Variants in C1QTNF12 observed in about 807,000 individuals in gnomAD.
C1QTNF12 encodes adipolin.
In C1QTNF12, 39 loss-of-function variants were observed where a neutral mutation model predicts 34.3. The ratio of observed to expected loss-of-function variants is 1.14; its 90% confidence interval spans 0.88 to 1.49. C1QTNF12 has a LOEUF of 1.49. C1QTNF12 is among the 40% of genes most tolerant of loss of function. The probability of loss-of-function intolerance (pLI) is 0.00; values close to 1 mark genes in which losing one functional copy is unlikely to be tolerated. For synonymous variants in C1QTNF12, 220 were observed against 196.9 expected, an observed-to-expected ratio of 1.12 and a Z score of -0.98; for missense variants, 497 against 424.7, an observed-to-expected ratio of 1.17 and a Z score of -1.50.
Position 1,242,578 on chromosome 1 carries a change from G to A in C1QTNF12, c.879C>T (p.Ser293=). Residue 293 remains serine (S), a synonymous_variant, in exon 8 of 8, where the codon TCC becomes TCT. Coordinates refer to ENST00000330388, the MANE Select transcript of C1QTNF12 (RefSeq NM_001014980.3). ...SGAVLTIQAG[S]SFSGLLLGT Reference sequence around the variant, plus strand: ...TGCCCAGGAGCAGCCCGGAGAAGCTGGAGCCCGCCTGGATGGTGAGGACGG... The same window carrying A: ...TGCCCAGGAGCAGCCCGGAGAAGCTAGAGCCCGCCTGGATGGTGAGGACGG... 3 of 1,585,242 alleles carry A rather than the reference G, an allele frequency of 1.9e-6. No homozygotes were observed. Among genetic ancestry groups the A allele is most frequent in the East Asian group, 4.6e-5 (2 of 43,520 alleles).
At chr1:1,246,808 G>A (rs1017081946), upstream of C1QTNF12, 14 of 710,426 alleles carry the variant, frequency 2.0e-5, no homozygotes, top group East Asian at 3.1e-4. The surrounding 1 kb of genome is among the most constrained non-coding windows in gnomAD (Gnocchi z 4.5). Context: ...CCCGGCCTCC[G>A]CCGCTGCATG....
At chr1:1,243,284 C>T in intron 5 of C1QTNF12, 132 bp from the exon 6 acceptor site, 1 of 994,614 alleles carries the variant, frequency 1.0e-6, no homozygotes, top group Non-Finnish European at 1.5e-6. Context: ...CGCCTGAGGC[C>T]AGGCGTGCAG....
In C1QTNF12 at chr1:1,244,440, C is replaced by G; in HGVS notation, c.235G>C (p.Val79Leu). The change falls in exon 2 of 8, where the codon GTC becomes CTC. Residue 79 changes from valine (V) to leucine (L), a missense_variant. Val to Leu is a conservative substitution (Grantham distance 32). Transcript: ENST00000330388. The part of the protein sequence containing the change: ...SDAHMTWLNF[V>L]RRPDDGALRK... ...AAGGCGCCGTCGTCCGGCCGCCGGA[C>G]AAAGTTCAGCCATGTCATGTGGGCG... 6.2e-7 allele frequency: 1 copy of G among 1,611,932 alleles called. No individual in the cohort carries two copies. The highest frequency in any genetic ancestry group is 8.5e-7 in the Non-Finnish European group (1 of 1,179,548).
Position 1,243,169 on chromosome 1 carries a change from G to C in C1QTNF12, c.641-17C>G, listed in dbSNP as rs1280737691. 1 of 1,496,976 alleles carries C rather than the reference G, an allele frequency of 6.7e-7. No individual in the cohort carries two copies. The highest frequency in any genetic ancestry group is 2.5e-5 in the East Asian group (1 of 40,730). 92.7% of individuals were successfully genotyped at this position (1,496,976 alleles called of 1,614,324 possible). A position where few individuals can be genotyped will look rare whatever the true frequency, so the allele number is the denominator to read the frequency against. ...CACTGTGGTCTGCGGAGAGAGCCCTGGGGAGGGTGGTGCATGGGGGGCGGG... is the reference window on the plus strand; with the variant it reads ...CACTGTGGTCTGCGGAGAGAGCCCTCGGGAGGGTGGTGCATGGGGGGCGGG... On this transcript the variant is annotated splice_polypyrimidine_tract_variant and intron_variant, in intron 5 of 7. Coordinates refer to ENST00000330388, the MANE Select transcript of C1QTNF12 (RefSeq NM_001014980.3).
intron 1 of C1QTNF12, among the ~76,000 whole-genome samples, chr1:1,245,599 G>T (rs1638873584): frequency 6.6e-6 from 1 of 151,856 alleles, no homozygotes; most frequent in Non-Finnish European, 1.5e-5. Flanking sequence ...GACTGCTGAA[G>T]ACCCCCCCAC....
chr1:1,245,911 A>G (rs1306032726), intron 1 of C1QTNF12, among the ~76,000 whole-genome samples: 1 of 152,212 alleles, frequency 6.6e-6, no homozygotes, highest in Non-Finnish European at 1.5e-5. Flanking sequence ...CTGCCCTCCA[A>G]GACCCCTGGA....
At chr1:1,243,847 G>T in intron 4 of C1QTNF12, 107 bp downstream of exon 4, 3 of 684,184 alleles carry the variant, frequency 4.4e-6, no homozygotes, top group Non-Finnish European at 6.9e-6. Flanking sequence ...CCCGCCCCCA[G>T]CCCCCAACCC....
Position 1,244,181 on chromosome 1 carries a change from G to T in C1QTNF12, c.379+10C>A. Reference sequence around the variant, plus strand: ...CACGTCTGGTCTCTGGGCAGTGCAGGGCGGCTGACCTTTCAGCAGCTCCTG... The same window carrying T: ...CACGTCTGGTCTCTGGGCAGTGCAGTGCGGCTGACCTTTCAGCAGCTCCTG... On this transcript the variant is annotated intron_variant, in intron 3 of 7. Coordinates refer to ENST00000330388, the MANE Select transcript of C1QTNF12 (RefSeq NM_001014980.3). 1.3e-6 allele frequency: 2 copies of T among 1,576,062 alleles called. No homozygotes were observed. The highest frequency in any genetic ancestry group is 1.2e-5 in the South Asian group (1 of 84,466).
In C1QTNF12 at chr1:1,243,498, G is replaced by C. The variant is rs1009352070; in HGVS notation, c.586C>G (p.Arg196Gly). The C allele has an allele frequency of 6.4e-7, 1 of 1,560,236 alleles. No homozygotes were observed. The highest frequency in any genetic ancestry group is 1.2e-5 in the South Asian group (1 of 85,082). The change falls in exon 5 of 8, where the codon CGG becomes GGG. Residue 196 changes from arginine (R) to glycine (G), a missense_variant. By Grantham distance (125) the Arg-to-Gly change is moderately radical (BLOSUM62 -2). Transcript: ENST00000330388. Reference protein sequence around the residue: ...RGSGLSLASGRFTAPVSGIFQ... With the variant: ...RGSGLSLASGGFTAPVSGIFQ... ...ATGCCGGACACGGGGGCCGTGAACCGACCCGAGGCCAGGCTCAGACCGGAG... is the reference window on the plus strand; with the variant it reads ...ATGCCGGACACGGGGGCCGTGAACCCACCCGAGGCCAGGCTCAGACCGGAG...
At chr1:1,244,346 G>A in intron 2 of C1QTNF12, 35 bp downstream of exon 2, 1 of 1,602,046 alleles carries the variant, frequency 6.2e-7, no homozygotes, top group Non-Finnish European at 8.5e-7. Context: ...CCCTGTCCGG[G>A]GCTCAGACCC....
rs1180131978 is a variant in C1QTNF12 at position 1,246,249 on chromosome 1, C to T, written c.177+265G>A. Among the ~76,000 whole-genome samples, 1 of 151,382 alleles carries T rather than the reference C, an allele frequency of 6.6e-6. No individual in the cohort carries two copies. The highest frequency in any genetic ancestry group is 1.5e-5 in the Non-Finnish European group (1 of 67,896). ...GGCCCACGCTTCAAAGGGTTAACTGCGGCCCCCAACCGCGGGAAGCCCCCT... is the reference window on the plus strand; with the variant it reads ...GGCCCACGCTTCAAAGGGTTAACTGTGGCCCCCAACCGCGGGAAGCCCCCT... On this transcript the variant is annotated intron_variant, in intron 1 of 7. Transcript: ENST00000330388. The surrounding 1 kb of genome is among the most constrained non-coding windows in gnomAD (Gnocchi z 4.5).
chr1:1,244,026 G>T lies in C1QTNF12; in HGVS notation c.459C>A (p.Ala153=). The T allele has an allele frequency of 6.3e-7, 1 of 1,597,926 alleles. No homozygotes were observed. Among genetic ancestry groups the T allele is most frequent in the East Asian group, 2.3e-5 (1 of 43,904 alleles). Residue 153 remains alanine, a synonymous_variant, in exon 4 of 8, where the codon GCC becomes GCA. Coordinates refer to ENST00000330388, the MANE Select transcript of C1QTNF12 (RefSeq NM_001014980.3). ...QGAGLRLVGE[A]FHCRLQGPRR... ...GGGGACCCTGCAGCCGGCAGTGAAA[G>T]GCCTCGCCCACCAGCCGCAGGCCCG...
chr1:1,246,754 C>A (rs2101012061), upstream of C1QTNF12: 1 of 1,171,590 alleles, frequency 8.5e-7, no homozygotes, highest in South Asian at 4.3e-5. This position sits in a 1 kb window ranked among gnomAD's most constrained non-coding sequence, Gnocchi z 4.5. Context: ...ATGGGGACGG[C>A]CGGCGCTCAG....
chr1:1,242,606 C>A lies in C1QTNF12; in HGVS notation c.851G>T (p.Gly284Val). The change falls in exon 8 of 8, where the codon GGG becomes GTG. Residue 284 changes from glycine to valine, a missense_variant. Coordinates refer to ENST00000330388, the MANE Select transcript of C1QTNF12 (RefSeq NM_001014980.3). ...GCCCGCCTGGATGGTGAGGACGGCCCCGGAGCCATTGTCCACAAACACAGA... is the reference window on the plus strand; with the variant it reads ...GCCCGCCTGGATGGTGAGGACGGCCACGGAGCCATTGTCCACAAACACAGA... ...YASVFVDNGS[G>V]AVLTIQAGSS... is the part of the protein sequence containing the mutation. The A allele has an allele frequency of 6.3e-7, 1 of 1,595,256 alleles. No individual in the cohort carries two copies. The highest frequency in any genetic ancestry group is 8.5e-7 in the Non-Finnish European group (1 of 1,171,408).
chr1:1,244,420 G>A lies in C1QTNF12; in HGVS notation c.255C>T (p.Gly85=), dbSNP rs115586508. The A allele has an allele frequency of 0.027, 44,213 of 1,611,852 alleles. 768 individuals are homozygous for A. The highest frequency in any genetic ancestry group is 0.033 in the Non-Finnish European group (38,803 of 1,179,482). Residue 85 remains glycine, a synonymous_variant, in exon 2 of 8, where the codon GGC becomes GGT. Coordinates refer to ENST00000330388, the MANE Select transcript of C1QTNF12 (RefSeq NM_001014980.3). ...TGCTTCCGCACCGCTTCCTTAAGGC[G>A]CCGTCGTCCGGCCGCCGGACAAAGT... ...WLNFVRRPDD[G]ALRKRCGSRD...
intron 7 of C1QTNF12, 94 bp downstream of exon 7, chr1:1,242,741 G>T: frequency 6.4e-7 from 1 of 1,556,236 alleles, no homozygotes. Context: ...AGGTGCCGAG[G>T]CCCCAGAGGT....
In C1QTNF12 at chr1:1,246,377, CG is replaced by C. The variant is rs1638891281; in HGVS notation, c.177+136del. On this transcript the variant is annotated intron_variant, in intron 1 of 7. Transcript: ENST00000330388. This position sits in a 1 kb window ranked among gnomAD's most constrained non-coding sequence, Gnocchi z 4.5. The stretch of plus-strand genomic sequence containing the variant: ...GCTGGGCTGCAGCAGATTCTCAAGG[CG>C]GGACCGTGGCCGAGGCCTCGAAAAG... The C allele has an allele frequency of 4.4e-6, 3 of 682,910 alleles. No homozygotes were observed. The highest frequency in any genetic ancestry group is 6.1e-6 in the Non-Finnish European group (3 of 488,646). The allele number at this position is 682,910 out of a possible 1,614,324, so 42.3% of individuals were successfully genotyped here. A position where few individuals can be genotyped will look rare whatever the true frequency, so the allele number is the denominator to read the frequency against.
Position 1,243,478 on chromosome 1 carries a change from G to A in C1QTNF12, c.606C>T (p.Ser202=), listed in dbSNP as rs763480328. The change falls in exon 5 of 8, where the codon TCC becomes TCT. Residue 202 remains serine, a synonymous_variant. Coordinates refer to ENST00000330388, the MANE Select transcript of C1QTNF12 (RefSeq NM_001014980.3). ...LASGRFTAPV[S]GIFQFSASLH... ...GACTGGCAGAGAACTGGAAGATGCC[G>A]GACACGGGGGCCGTGAACCGACCCG... 11 of 1,559,670 alleles carry A rather than the reference G, an allele frequency of 7.1e-6. No homozygotes were observed. The highest frequency in any genetic ancestry group is 1.7e-4 in the Middle Eastern group (1 of 6,020).
rs909732621 is a variant in C1QTNF12 at position 1,246,220 on chromosome 1, G to C, written c.177+294C>G. On this transcript the variant is annotated intron_variant, in intron 1 of 7. Coordinates refer to ENST00000330388, the MANE Select transcript of C1QTNF12 (RefSeq NM_001014980.3). This position sits in a 1 kb window ranked among gnomAD's most constrained non-coding sequence, Gnocchi z 4.5. ...AATAGCAACAGGTTCCTCAGAGCGC[G>C]GCAGGCCCACGCTTCAAAGGGTTAA... Among the ~76,000 whole-genome samples, 5 of 146,010 alleles carry C rather than the reference G, an allele frequency of 3.4e-5. No individual in the cohort carries two copies. Among genetic ancestry groups the C allele is most frequent in the African/African-American group, 1.0e-4 (4 of 38,856 alleles).
Sources: gnomAD v4.1 joint callset for allele counts (sites outside exome capture counted in the v4.1 genomes callset) on GRCh38, gnomAD v4.1.1 for gene constraint, Gnocchi (gnomAD v3.1) non-coding constraint, MANE v1.5 for transcripts, NCBI Gene and HGNC (gene_info 2026-07-23, HGNC 2026-07-21) for gene names.